The following CENPM variants were observed in gnomAD, a reference collection of about 807,000 sequenced individuals.
The protein encoded by CENPM is centromere protein M.
CENPM carries 14 observed loss-of-function variants against 19.6 expected under a neutral mutation model. The observed-to-expected ratio is 0.71, with a 90% CI of 0.47 to 1.11. The LOEUF is 1.11. Among genes scored for constraint, CENPM ranks in the 50% most tolerant of loss-of-function variants. The pLI is 0.00. For missense variants in CENPM, 239 were observed against 228.4 expected (o/e 1.05, Z -0.30); for synonymous variants, 114 against 101.5 (o/e 1.12, Z -0.74).
chr22:41,938,871 C>G lies in CENPM; in HGVS notation c.*185G>C. 1.5e-6 allele frequency: 1 copy of G among 654,114 alleles called. No individual in the cohort carries two copies. The highest frequency in any genetic ancestry group is 2.5e-6 in the Non-Finnish European group (1 of 396,594). The allele number at this position is 654,114 out of a possible 1,614,324, so 40.5% of individuals were successfully genotyped here. ...GAGTGGGAGGGGGCTACAGTCTCGC[C>G]AGCTGGGCCCCCTCGCTGCTTCTGC... On this transcript the variant is annotated 3_prime_UTR_variant, in exon 6 of 6. Coordinates refer to ENST00000215980, the MANE Select transcript of CENPM (RefSeq NM_024053.5).
intron 5 of CENPM, among the ~76,000 whole-genome samples, chr22:41,939,617 G>A (rs1894713): frequency 0.26 from 39,469 of 151,102 alleles, 5,862 homozygotes; most frequent in Admixed American, 0.38. Context: ...GGAGGGAGGG[G>A]CAGCGGGTGG....
chr22:41,940,764 A>T (rs2077732136), intron 5 of CENPM, among the ~76,000 whole-genome samples: 1 of 152,042 alleles, frequency 6.6e-6, no homozygotes, highest in Non-Finnish European at 1.5e-5. Context: ...CTCAGGAAGT[A>T]TTTTTTTAAT....
chr22:41,943,879 T>C (rs1042528763), intron 4 of CENPM, among the ~76,000 whole-genome samples, 178 bp from the exon 5 acceptor site: 1 of 152,118 alleles, frequency 6.6e-6, no homozygotes, highest in Admixed American at 6.6e-5. Context: ...AATTAGACAA[T>C]GAAGATAATA....
downstream of CENPM, among the ~76,000 whole-genome samples, chr22:41,938,245 G>A (rs1235967277): frequency 6.7e-6 from 1 of 150,094 alleles, no homozygotes; most frequent in Admixed American, 6.6e-5. Context: ...AGGTTCAAGT[G>A]ATTCTCCTGC....
At chr22:41,935,813 C>T (rs2077681232), downstream of CENPM, among the ~76,000 whole-genome samples, 1 of 152,126 alleles carries the variant, frequency 6.6e-6, no homozygotes, top group Non-Finnish European at 1.5e-5. Flanking sequence ...TTCTGGAGCA[C>T]ACGGGCTGTC....
At chr22:41,928,158 C>T in the CENPM span, 2 of 428,542 alleles carry the variant, frequency 4.7e-6, no homozygotes, top group Admixed American at 2.5e-5. This position sits in a 1 kb window ranked among gnomAD's most constrained non-coding sequence, Gnocchi z 4.0. Context: ...GCAGGGAGGA[C>T]CCAGGAAGAT....
downstream of CENPM, among the ~76,000 whole-genome samples, chr22:41,937,107 G>T (rs2077687178): frequency 6.6e-6 from 1 of 152,084 alleles, no homozygotes; most frequent in Non-Finnish European, 1.5e-5. Context: ...GGCTCTCTAT[G>T]GGATTTCTAG....
chr22:41,945,172 C>G, intron 4 of CENPM, 53 bp downstream of exon 4: 1 of 1,612,932 alleles, frequency 6.2e-7, no homozygotes, highest in Non-Finnish European at 8.5e-7. Flanking sequence ...CTACGGCCGC[C>G]CCAGCTTTCC....
chr22:41,946,603 C>T, intron 1 of CENPM, 107 bp from the exon 2 acceptor site: 3 of 905,798 alleles, frequency 3.3e-6, no homozygotes, highest in Admixed American at 2.5e-5. Flanking sequence ...CGCCAGCAGG[C>T]GGCTCGGAGG....
At chr22:41,945,417 G>T in intron 3 of CENPM, 113 bp from the exon 4 acceptor site, 1 of 1,498,756 alleles carries the variant, frequency 6.7e-7, no homozygotes, top group South Asian at 1.3e-5. Flanking sequence ...ACAAGAGGGT[G>T]ACTTTCTCTG....
At chr22:41,944,906 T>C (rs894488340) in intron 4 of CENPM, 51 of 1,149,130 alleles carry the variant, frequency 4.4e-5, no homozygotes, top group Non-Finnish European at 5.1e-5. Flanking sequence ...TTCCAAAGTA[T>C]GTGTATATGT....
At chr22:41,941,192 T>C (rs1016358442) in intron 5 of CENPM, among the ~76,000 whole-genome samples, 3 of 152,186 alleles carry the variant, frequency 2.0e-5, no homozygotes, top group Admixed American at 2.0e-4. Context: ...TCCTCATCAA[T>C]GGAACGGGGC....
At chr22:41,939,830 G>GAAGAA (rs2077714125) in intron 5 of CENPM, among the ~76,000 whole-genome samples, 1 of 21,432 alleles carries the variant, frequency 4.7e-5, no homozygotes, top group African/African-American at 3.6e-4. Flanking sequence ...AAGAAAGAAA[G>GAAGAA]AAAGAAAGAA....
intron 4 of CENPM, 83 bp downstream of exon 4, chr22:41,945,142 A>G: frequency 1.2e-6 from 2 of 1,602,384 alleles, no homozygotes; most frequent in South Asian, 2.2e-5. Context: ...TCCATCACCC[A>G]GGGTGCCTCA....
intron 5 of CENPM, among the ~76,000 whole-genome samples, 176 bp downstream of exon 5, chr22:41,943,434 T>C (rs2077760733): frequency 6.6e-6 from 1 of 152,196 alleles, no homozygotes; most frequent in Admixed American, 6.5e-5. Context: ...GCCCAGGTCA[T>C]AGCCAGTGAG....
chr22:41,931,850 T>G, the CENPM span, among the ~76,000 whole-genome samples: 1 of 152,242 alleles, frequency 6.6e-6, no homozygotes, highest in South Asian at 2.1e-4. Flanking sequence ...GATCTGGATG[T>G]GAAACTGCTC....
downstream of CENPM, among the ~76,000 whole-genome samples, chr22:41,935,205 T>C (rs1318111153): frequency 6.6e-6 from 1 of 152,188 alleles, no homozygotes; most frequent in Non-Finnish European, 1.5e-5. Flanking sequence ...GCGATGCCAC[T>C]TCTCTTGTTA....
At chr22:41,929,832 C>T in the CENPM span, among the ~76,000 whole-genome samples, 3 of 152,012 alleles carry the variant, frequency 2.0e-5, no homozygotes, top group South Asian at 4.2e-4. Context: ...TGCAGCAGGC[C>T]CTGTGTCGCT....
the CENPM span, chr22:41,928,189 T>G: frequency 2.4e-6 from 1 of 423,052 alleles, no homozygotes; most frequent in Non-Finnish European, 4.7e-6. This position sits in a 1 kb window ranked among gnomAD's most constrained non-coding sequence, Gnocchi z 4.0. Flanking sequence ...GTGAGGGAAC[T>G]GTGACTGCAG....
Sources: gnomAD v4.1 joint callset for allele counts (sites outside exome capture counted in the v4.1 genomes callset) on GRCh38, gnomAD v4.1.1 for gene constraint, Gnocchi (gnomAD v3.1) non-coding constraint, MANE v1.5 for transcripts, NCBI Gene and HGNC (gene_info 2026-07-23, HGNC 2026-07-21) for gene names.